ZMYM2: variants seen among roughly 807,000 people sequenced by gnomAD.
The protein encoded by ZMYM2 is zinc finger MYM-type protein 2.
ZMYM2 carries 56 observed loss-of-function variants against 162.8 expected under a neutral mutation model. The ratio of observed to expected loss-of-function variants is 0.34; its 90% confidence interval spans 0.28 to 0.43. ZMYM2 has a LOEUF of 0.43. Ranked by LOEUF, ZMYM2 falls within the 20% of genes least tolerant of loss-of-function variation. The probability of loss-of-function intolerance (pLI) is 1.00; values close to 1 mark genes in which losing one functional copy is unlikely to be tolerated. For synonymous variants in ZMYM2, 510 were observed against 541.6 expected (o/e 0.94, Z 0.81); for missense variants, 1,275 against 1,621.8 (o/e 0.79, Z 3.67).
At chr13:20,075,589 G>A (rs1957425638) in intron 21 of ZMYM2, among the ~76,000 whole-genome samples, 1 of 148,798 alleles carries the variant, frequency 6.7e-6, no homozygotes, top group Non-Finnish European at 1.5e-5. Context: ...AACATTTCAT[G>A]ATCATTCTTT....
intron 3 of ZMYM2, among the ~76,000 whole-genome samples, chr13:19,995,639 A>G (rs1949962017): frequency 6.6e-6 from 1 of 151,970 alleles, no homozygotes; most frequent in Non-Finnish European, 1.5e-5. Context: ...TTGGCCTCTC[A>G]AAGTTCTGGG....
the ZMYM2 span, among the ~76,000 whole-genome samples, chr13:19,923,589 G>A: frequency 4.7e-5 from 7 of 148,870 alleles, no homozygotes; most frequent in African/African-American, 1.7e-4. Context: ...AAATTCCTGG[G>A]CTTAAGCGAT....
At chr13:20,076,698 A>G (rs1268456072) in intron 21 of ZMYM2, among the ~76,000 whole-genome samples, 2 of 150,626 alleles carry the variant, frequency 1.3e-5, no homozygotes, top group Non-Finnish European at 2.9e-5. Flanking sequence ...TAAAAAATAT[A>G]GTAAACTCAC....
chr13:19,866,526 G>A, the ZMYM2 span, among the ~76,000 whole-genome samples: 2 of 151,958 alleles, frequency 1.3e-5, no homozygotes, highest in East Asian at 3.9e-4. Context: ...GTAGCCGGGC[G>A]TGGTGGCGCA....
At chr13:19,869,597 G>A in the ZMYM2 span, among the ~76,000 whole-genome samples, 1 of 152,072 alleles carries the variant, frequency 6.6e-6, no homozygotes, top group South Asian at 2.1e-4. Flanking sequence ...AGACCAGCCT[G>A]GGCAACATGG....
At chr13:19,926,658 C>G in the ZMYM2 span, among the ~76,000 whole-genome samples, 2 of 152,118 alleles carry the variant, frequency 1.3e-5, no homozygotes, top group African/African-American at 4.8e-5. Flanking sequence ...GCCACTGCAC[C>G]CAGTCTCTAT....
the ZMYM2 span, among the ~76,000 whole-genome samples, chr13:19,902,339 G>C: frequency 6.6e-6 from 1 of 152,130 alleles, no homozygotes; most frequent in Admixed American, 6.6e-5. Flanking sequence ...TGAATATGCT[G>C]GGCGCGGTGG....
rs202190586 is a variant in ZMYM2, at chr13:20,064,447, T to G, written c.3038-4T>G. The G allele has an allele frequency of 8.3e-5, 132 of 1,585,992 alleles. 1 individual carries two copies. In the East Asian group the frequency reaches 2.9e-3, roughly 35 times the overall value. ...TAAAATAAAAGTTCTGATTTGGTTG[T>G]CAGCTGCTGAGGAGCTTGATATGGA... On this transcript the variant is annotated splice_region_variant and splice_polypyrimidine_tract_variant and intron_variant, in intron 18 of 24. Coordinates refer to ENST00000610343, the MANE Select transcript of ZMYM2 (RefSeq NM_197968.4).
At position 20,063,405 on chromosome 13, in the gene ZMYM2, A is replaced by T. The variant is rs1172759352; in HGVS notation, c.3037+434A>T. 2.1e-5 allele frequency among the ~76,000 whole-genome samples: 3 copies of T among 142,126 alleles called. No individual in the cohort carries two copies. The Admixed American group carries it at 2.1e-4, about 10-fold the overall frequency. The allele number at this position is 142,126 out of a possible 152,430, so 93.2% of individuals were successfully genotyped here. On this transcript the variant is annotated intron_variant, in intron 18 of 24. Transcript: ENST00000610343. ...GCAGCAGAGTGAGACCCTGTCTTTAAAAAAAAAAAAAAAAAAAAAAATTCT... is the reference window on the plus strand; with the variant it reads ...GCAGCAGAGTGAGACCCTGTCTTTATAAAAAAAAAAAAAAAAAAAAATTCT...
intron 24 of ZMYM2, 75 bp from the exon 25 acceptor site, chr13:20,085,747 T>A: frequency 7.1e-7 from 1 of 1,411,330 alleles, no homozygotes. Context: ...GGGGTCTGAA[T>A]TATTCTTGAA....
In ZMYM2 at chr13:20,083,720, C is replaced by T; in HGVS notation, c.3885C>T (p.Asn1295=). The T allele has an allele frequency of 1.3e-6, 2 of 1,597,752 alleles. No homozygotes were observed. Among genetic ancestry groups the T allele is most frequent in the South Asian group, 1.1e-5 (1 of 88,352 alleles). The change falls in exon 24 of 25, where the codon AAC becomes AAT. Residue 1295 remains asparagine (N), a synonymous_variant. Transcript: ENST00000610343. ...AGCCAGTATTTGAACAAATTGAAAA[C>T]ACAGCCAATCCTTCCAGATGTCCTG... ...DDEPVFEQIE[N]TANPSRCPVK...
At chr13:20,045,536 T>C (rs1489632356) in intron 12 of ZMYM2, among the ~76,000 whole-genome samples, 3 of 152,218 alleles carry the variant, frequency 2.0e-5, no homozygotes, top group Admixed American at 2.0e-4. Context: ...TTTTGAGAAA[T>C]CACTCAGAAA....
intron 21 of ZMYM2, among the ~76,000 whole-genome samples, chr13:20,075,334 A>G (rs1285417714): frequency 6.6e-6 from 1 of 152,194 alleles, no homozygotes; most frequent in African/African-American, 2.4e-5. Flanking sequence ...GTAAGTAGTC[A>G]CTTCTGTTTT....
chr13:20,060,430 G>A (rs1956142463), intron 16 of ZMYM2, among the ~76,000 whole-genome samples: 2 of 152,206 alleles, frequency 1.3e-5, no homozygotes, highest in South Asian at 2.1e-4. Context: ...TGTAATCCCA[G>A]CACTTTAGGA....
chr13:19,982,326 C>T (rs1349755969), intron 2 of ZMYM2, among the ~76,000 whole-genome samples: 2 of 113,544 alleles, frequency 1.8e-5, no homozygotes, highest in African/African-American at 6.5e-5. Context: ...CTCGCTCTGT[C>T]ACTTAGACTG....
At chr13:19,897,750 G>A in the ZMYM2 span, among the ~76,000 whole-genome samples, 2 of 151,896 alleles carry the variant, frequency 1.3e-5, no homozygotes, top group Middle Eastern at 3.2e-3. Flanking sequence ...TATGATATGT[G>A]TATATATTAT....
chr13:20,018,894 A>T (rs1951833573), intron 6 of ZMYM2, among the ~76,000 whole-genome samples: 1 of 152,150 alleles, frequency 6.6e-6, no homozygotes, highest in African/African-American at 2.4e-5. Flanking sequence ...AGCCTGGCCA[A>T]CATGGTGAAA....
At chr13:19,902,576 A>T in the ZMYM2 span, among the ~76,000 whole-genome samples, 1 of 152,182 alleles carries the variant, frequency 6.6e-6, no homozygotes, top group Non-Finnish European at 1.5e-5. Flanking sequence ...AGATCGTGCC[A>T]TTGCACTCCA....
intron 2 of ZMYM2, among the ~76,000 whole-genome samples, chr13:19,989,414 G>A (rs930675372): frequency 3.3e-5 from 5 of 151,928 alleles, no homozygotes; most frequent in Admixed American, 1.3e-4. Context: ...AGCGATTTTC[G>A]TGCCTCAGCC....
Sources: gnomAD v4.1 joint callset for allele counts (sites outside exome capture counted in the v4.1 genomes callset) on GRCh38, gnomAD v4.1.1 for gene constraint, MANE v1.5 for transcripts, NCBI Gene and HGNC (gene_info 2026-07-23, HGNC 2026-07-21) for gene names.